The following USP6 variants were observed in gnomAD, a reference collection of about 807,000 sequenced individuals.
The protein encoded by USP6 is ubiquitin carboxyl-terminal hydrolase 6.
In USP6, 128 loss-of-function variants were observed where a neutral mutation model predicts 175.7. The observed-to-expected ratio is 0.73, with a 90% CI of 0.63 to 0.84. The LOEUF (loss-of-function observed/expected upper bound fraction) is 0.84, where lower values mean the gene tolerates loss of function less well. USP6 is among the 40% of genes least tolerant of loss of function. The probability of loss-of-function intolerance (pLI) is 0.00; values close to 1 mark genes in which losing one functional copy is unlikely to be tolerated. For synonymous variants in USP6, 562 were observed against 630.6 expected (o/e 0.89, Z 1.63); for missense variants, 1,498 against 1,760.3 (o/e 0.85, Z 2.67).
intron 27 of USP6, 128 bp downstream of exon 27, chr17:5,145,707 A>C (rs1287357667): frequency 7.8e-7 from 1 of 1,289,320 alleles, no homozygotes; most frequent in East Asian, 2.8e-5. Context: ...TAATCGAGCA[A>C]CCTAATTTTA....
intron 4 of USP6, chr17:5,123,064 C>T (rs2072748509): frequency 6.5e-6 from 1 of 153,184 alleles, no homozygotes; most frequent in South Asian, 1.8e-4. Flanking sequence ...TGGGCTGGAT[C>T]CTTAGGCTCC....
chr17:5,144,910 T>C, intron 26 of USP6, 47 bp downstream of exon 26: 1 of 1,549,690 alleles, frequency 6.5e-7, no homozygotes, highest in South Asian at 1.2e-5. Flanking sequence ...CAAAATGTTC[T>C]GACCACAAAT....
At chr17:5,169,616 A>G (rs1257839680) in intron 35 of USP6, among the ~76,000 whole-genome samples, 3 of 151,818 alleles carry the variant, frequency 2.0e-5, no homozygotes, top group African/African-American at 7.3e-5. Flanking sequence ...TAATTTTTGT[A>G]TTTTTTGTAG....
At chr17:5,144,428 A>G (rs1340213024) in intron 25 of USP6, among the ~76,000 whole-genome samples, 1 of 152,098 alleles carries the variant, frequency 6.6e-6, no homozygotes, top group Non-Finnish European at 1.5e-5. Context: ...AATAACATCT[A>G]TGTGCCTGAA....
intron 31 of USP6, among the ~76,000 whole-genome samples, chr17:5,159,251 G>A (rs2073957671): frequency 6.6e-6 from 1 of 152,154 alleles, no homozygotes; most frequent in Non-Finnish European, 1.5e-5. Context: ...AAAGATAGGA[G>A]GTTGTGGTTG....
chr17:5,121,528 C>T lies in USP6; in HGVS notation c.-1521C>T, dbSNP rs1357652383. On this transcript the variant is annotated 5_prime_UTR_variant, in exon 4 of 38. Coordinates refer to ENST00000574788, the MANE Select transcript of USP6 (RefSeq NM_001304284.2). ...CCCCTCCCCACCCTGTACCTATCAC[C>T]CCAGGGTGAGCCCAGCCTTATAGAC... is the stretch of plus-strand genomic sequence containing the variant. 1 of 188,782 alleles carries T rather than the reference C, an allele frequency of 5.3e-6. No homozygotes were observed. The highest frequency in any genetic ancestry group is 2.4e-5 in the African/African-American group (1 of 42,192). The allele number at this position is 188,782 out of a possible 1,614,324, so 11.7% of individuals were successfully genotyped here.
chr17:5,141,409 C>G lies in USP6; in HGVS notation c.1499-16C>G. The G allele has an allele frequency of 6.3e-7, 1 of 1,592,088 alleles. No individual in the cohort carries two copies. The highest frequency in any genetic ancestry group is 8.5e-7 in the Non-Finnish European group (1 of 1,169,688). ...AGACAGATAAGAAATTAACACATTC[C>G]TATCTGTCCTTCCAGTTCACAACAA... On this transcript the variant is annotated splice_polypyrimidine_tract_variant and intron_variant, in intron 22 of 37. Transcript: ENST00000574788.
chr17:5,137,845 C>G, intron 20 of USP6, 95 bp downstream of exon 20: 1 of 1,590,648 alleles, frequency 6.3e-7, no homozygotes. Flanking sequence ...TCATGATCCT[C>G]TGTTCTGGCC....
chr17:5,133,647 T>TG, intron 14 of USP6, 97 bp downstream of exon 14: 1 of 419,688 alleles, frequency 2.4e-6, no homozygotes, highest in Non-Finnish European at 4.5e-6. Flanking sequence ...GGTGGGGGGG[T>TG]GGGAGGGGAT....
In USP6 at chr17:5,133,555, G is replaced by A. The variant is rs781235349; in HGVS notation, c.384+5G>A. On this transcript the variant is annotated splice_donor_5th_base_variant and intron_variant, in intron 14 of 37. Transcript: ENST00000574788. ...AAAAACCCCGGAAGATACCAGGTAT[G>A]CTCAGCCAGAGCACAACAAACAGGA... is the stretch of plus-strand genomic sequence containing the variant. 1.5e-5 allele frequency: 24 copies of A among 1,591,990 alleles called. No individual in the cohort carries two copies. The highest frequency in any genetic ancestry group is 1.8e-5 in the Non-Finnish European group (21 of 1,166,776).
chr17:5,135,679 T>G (rs943261990), intron 16 of USP6, 129 bp from the exon 17 acceptor site: 1 of 1,582,364 alleles, frequency 6.3e-7, no homozygotes, highest in Non-Finnish European at 8.5e-7. Context: ...TGAATTTGCA[T>G]CCTGAGGAAG....
intron 11 of USP6, among the ~76,000 whole-genome samples, 180 bp downstream of exon 11, chr17:5,130,864 G>A (rs551412820): frequency 6.6e-6 from 1 of 152,330 alleles, no homozygotes; most frequent in African/African-American, 2.4e-5. Flanking sequence ...TTGTTGTTAG[G>A]CCAGAGGTGG....
chr17:5,171,655 C>T lies in USP6; in HGVS notation c.4023C>T (p.Tyr1341=). 2 of 1,613,838 alleles carry T rather than the reference C, an allele frequency of 1.2e-6. No homozygotes were observed. The highest frequency in any genetic ancestry group is 2.7e-5 in the African/African-American group (2 of 75,026). The change falls in exon 37 of 38, where the codon TAC becomes TAT. Residue 1341 remains tyrosine, a synonymous_variant. Coordinates refer to ENST00000574788, the MANE Select transcript of USP6 (RefSeq NM_001304284.2). ...CCAAAAACCCAAACTGCAAGTGGTACTGTTATAATGACAGCAGCTGTGAGG... is the reference window on the plus strand; with the variant it reads ...CCAAAAACCCAAACTGCAAGTGGTATTGTTATAATGACAGCAGCTGTGAGG... ...TYAKNPNCKW[Y]CYNDSSCEEL...
intron 17 of USP6, among the ~76,000 whole-genome samples, chr17:5,136,412 G>A (rs370313309): frequency 2.6e-5 from 4 of 152,338 alleles, no homozygotes; most frequent in South Asian, 4.1e-4. Context: ...AGTCAGGCTT[G>A]CCCTTTTGCA....
Position 5,117,852 on chromosome 17 carries a change from T to C in USP6, c.-1927-348T>C, listed in dbSNP as rs539671248. 3.3e-5 allele frequency among the ~76,000 whole-genome samples: 5 copies of C among 152,140 alleles called. No homozygotes were observed. In the East Asian group the frequency reaches 9.7e-4, roughly 29 times the overall value. ...GCTCACACCTGTAATCCCAGGACTT[T>C]GGGAGGCCAAGGCAGGCAGATCACC... On this transcript the variant is annotated intron_variant, in intron 1 of 37. Coordinates refer to ENST00000574788, the MANE Select transcript of USP6 (RefSeq NM_001304284.2).
Position 5,146,171 on chromosome 17 carries a change from A to G in USP6, c.2316A>G (p.Ile772Met). The G allele has an allele frequency of 1.9e-6, 3 of 1,608,306 alleles. No homozygotes were observed. Among genetic ancestry groups the G allele is most frequent in the East Asian group, 4.5e-5 (2 of 44,752 alleles). The change falls in exon 28 of 38, where the codon ATA becomes ATG. Residue 772 changes from isoleucine to methionine, a missense_variant. Transcript: ENST00000574788. ...ILLAEVHDSNIKNFPQDNQKV... is the reference protein window; with the variant it reads ...ILLAEVHDSNMKNFPQDNQKV... ...TAGCAGAAGTACATGATTCCAACAT[A>G]AAGGTAATGTTAACTACTCTAAGAA...
rs572779472 is a variant in USP6, at chr17:5,143,464, T to C, written c.1818+962T>C. On this transcript the variant is annotated intron_variant, in intron 25 of 37. Coordinates refer to ENST00000574788, the MANE Select transcript of USP6 (RefSeq NM_001304284.2). ...TGATCTATGACCTTACCCCCAACCC[T>C]GTGCTCTCTGAAACATGTGCTGTGT... 3.4e-3 allele frequency among the ~76,000 whole-genome samples: 512 copies of C among 151,788 alleles called. 5 individuals are homozygous for C. The highest frequency in any genetic ancestry group is 0.012 in the African/African-American group (487 of 41,470).
chr17:5,121,312 C>T (rs2072657957), intron 3 of USP6, 63 bp from the exon 4 acceptor site: 2 of 347,524 alleles, frequency 5.8e-6, no homozygotes, highest in Non-Finnish European at 1.1e-5. Flanking sequence ...GGTTCTCAGC[C>T]CCTTTCCTGT....
At chr17:5,148,218 G>A (rs112762543) in intron 29 of USP6, among the ~76,000 whole-genome samples, 3 of 112,888 alleles carry the variant, frequency 2.7e-5, no homozygotes, top group African/African-American at 8.1e-5. Context: ...AGAGGTTACT[G>A]TATTGGACGG....
Sources: allele counts gnomAD v4.1 joint callset (sites outside exome capture counted in the v4.1 genomes callset), GRCh38; gene constraint gnomAD v4.1.1; transcripts MANE v1.5; gene names NCBI Gene and HGNC (gene_info 2026-07-23, HGNC 2026-07-21).